The following TNNI3K variants were observed in gnomAD, a reference collection of about 807,000 sequenced individuals.
The protein encoded by TNNI3K is TNNI3 interacting kinase.
TNNI3K carries 140 observed loss-of-function variants against 114.5 expected under a neutral mutation model. The ratio of observed to expected loss-of-function variants is 1.22; its 90% CI spans 1.07 to 1.41. TNNI3K has a LOEUF of 1.41. Ranked by LOEUF, TNNI3K falls within the 40% of genes most tolerant of loss-of-function variation. The probability of loss-of-function intolerance (pLI) is 0.00; values close to 1 mark genes in which losing one functional copy is unlikely to be tolerated. For synonymous variants in TNNI3K, 347 were observed against 347.5 expected, an observed-to-expected ratio of 1.00 and a Z score of 0.02; for missense variants, 1,125 against 1,007.6, an observed-to-expected ratio of 1.12 and a Z score of -1.58.
intron 5 of TNNI3K, among the ~76,000 whole-genome samples, chr1:74,305,174 ATGTATTG>A (rs1298301995): frequency 6.6e-6 from 1 of 152,150 alleles, no homozygotes; most frequent in Non-Finnish European, 1.5e-5. Context: ...GACCATATTC[ATGTATTG>A]TGTTTTGGTC....
chr1:74,414,790 T>C (rs1665041341), intron 17 of TNNI3K, among the ~76,000 whole-genome samples: 1 of 152,214 alleles, frequency 6.6e-6, no homozygotes, highest in Non-Finnish European at 1.5e-5. Context: ...ATCACTGCCA[T>C]CTTGATCCAA....
intron 11 of TNNI3K, among the ~76,000 whole-genome samples, chr1:74,358,548 T>G (rs762799160): frequency 7.9e-5 from 12 of 152,072 alleles, no homozygotes; most frequent in African/African-American, 1.2e-4. Flanking sequence ...TAAGAAGAGA[T>G]AGATTCATTA....
At chr1:74,401,518 A>G (rs1418602526) in intron 17 of TNNI3K, among the ~76,000 whole-genome samples, 1 of 152,218 alleles carries the variant, frequency 6.6e-6, no homozygotes, top group African/African-American at 2.4e-5. Context: ...TCTACTGTTC[A>G]GTTATTGGGA....
intron 11 of TNNI3K, among the ~76,000 whole-genome samples, chr1:74,365,579 C>T (rs1662227233): frequency 6.6e-6 from 1 of 152,114 alleles, no homozygotes; most frequent in Non-Finnish European, 1.5e-5. Flanking sequence ...ATACCACTCT[C>T]ATCCTTGCTT....
intron 5 of TNNI3K, among the ~76,000 whole-genome samples, chr1:74,286,033 A>T (rs1657311790): frequency 6.6e-6 from 1 of 152,238 alleles, no homozygotes; most frequent in Non-Finnish European, 1.5e-5. Context: ...GAGCTAAGAA[A>T]TTCAGATGAG....
intron 5 of TNNI3K, among the ~76,000 whole-genome samples, chr1:74,330,670 T>C (rs113108249): frequency 6.6e-6 from 1 of 152,234 alleles, no homozygotes; most frequent in Non-Finnish European, 1.5e-5. Context: ...GTCAGTCTAA[T>C]TTATATGGCC....
intron 4 of TNNI3K, among the ~76,000 whole-genome samples, chr1:74,255,265 A>G (rs1035613328): frequency 1.3e-5 from 2 of 150,332 alleles, no homozygotes; most frequent in Admixed American, 6.7e-5. Context: ...GAGGCGGGAG[A>G]ATGGCGTGAA....
intron 17 of TNNI3K, among the ~76,000 whole-genome samples, chr1:74,395,357 G>A (rs1019113190): frequency 6.6e-6 from 1 of 152,126 alleles, no homozygotes; most frequent in Non-Finnish European, 1.5e-5. Context: ...TGCATGGAGT[G>A]GGACTCCAGC....
At chr1:74,534,076 T>C (rs1175046673) in intron 23 of TNNI3K, among the ~76,000 whole-genome samples, 2 of 152,156 alleles carry the variant, frequency 1.3e-5, no homozygotes, top group Non-Finnish European at 2.9e-5. Context: ...TTTATAAAAA[T>C]GTTACAAGCT....
chr1:74,439,773 T>A, intron 20 of TNNI3K, 151 bp downstream of exon 20: 1 of 1,198,294 alleles, frequency 8.3e-7, no homozygotes, highest in Non-Finnish European at 1.1e-6. Flanking sequence ...TTAAGGTGTG[T>A]GCCCAACCCA....
At chr1:74,280,862 T>G (rs1056816008) in intron 5 of TNNI3K, among the ~76,000 whole-genome samples, 1 of 151,986 alleles carries the variant, frequency 6.6e-6, no homozygotes, top group Non-Finnish European at 1.5e-5. Context: ...AAGGGAGTAC[T>G]TGCATCACCC....
chr1:74,335,340 A>C (rs1660409620), intron 6 of TNNI3K, among the ~76,000 whole-genome samples: 1 of 152,156 alleles, frequency 6.6e-6, no homozygotes, highest in African/African-American at 2.4e-5. Flanking sequence ...ATATGATATT[A>C]CCCCTCACGT....
intron 24 of TNNI3K, chr1:74,541,549 A>G (rs1244602870): frequency 6.6e-6 from 1 of 152,232 alleles, no homozygotes; most frequent in African/African-American, 2.4e-5. Context: ...GTAACTTCAT[A>G]AACACAAAAC....
chr1:74,472,587 C>G (rs1381072939), intron 21 of TNNI3K, among the ~76,000 whole-genome samples: 3 of 151,900 alleles, frequency 2.0e-5, no homozygotes, highest in African/African-American at 7.3e-5. Context: ...AAATATTGGG[C>G]AGAACATGGG....
chr1:74,391,066 T>C (rs1232748870), intron 17 of TNNI3K, among the ~76,000 whole-genome samples: 1 of 151,866 alleles, frequency 6.6e-6, no homozygotes, highest in African/African-American at 2.4e-5. Context: ...ATGTATGTCC[T>C]GTGGGCCATT....
chr1:74,267,883 A>G (rs147504666), intron 4 of TNNI3K, among the ~76,000 whole-genome samples: 139 of 152,070 alleles, frequency 9.1e-4, no homozygotes, highest in African/African-American at 3.2e-3. Context: ...AGGAGAAAAA[A>G]CAAAGATACT....
intron 5 of TNNI3K, among the ~76,000 whole-genome samples, chr1:74,298,116 T>G (rs1242483940): frequency 2.0e-5 from 3 of 152,180 alleles, no homozygotes; most frequent in Non-Finnish European, 4.4e-5. Context: ...ATCCACAGTT[T>G]ACTTCCTCCA....
intron 11 of TNNI3K, among the ~76,000 whole-genome samples, chr1:74,358,280 C>T (rs892626540): frequency 6.6e-5 from 10 of 151,994 alleles, no homozygotes; most frequent in Non-Finnish European, 1.3e-4. Context: ...ACAGCAAAGG[C>T]GCCTAATTCA....
chr1:74,519,610 T>G (rs867157948), intron 23 of TNNI3K, among the ~76,000 whole-genome samples: 4 of 152,198 alleles, frequency 2.6e-5, no homozygotes, highest in Non-Finnish European at 1.5e-5. Context: ...ATTTTTAAAC[T>G]AAAATCATAA....
Sources: allele counts gnomAD v4.1 joint callset (sites outside exome capture counted in the v4.1 genomes callset), GRCh38; gene constraint gnomAD v4.1.1; transcripts MANE v1.5; gene names NCBI Gene and HGNC (gene_info 2026-07-23, HGNC 2026-07-21).